The following NUP107 variants were observed in gnomAD, a reference collection of about 807,000 sequenced individuals.
NUP107 encodes the protein nucleoporin 107.
A neutral mutation model predicts 141.0 loss-of-function variants in NUP107; 101 were observed. The observed-to-expected ratio is 0.72, with a 90% CI of 0.61 to 0.84. The LOEUF is 0.84. Ranked by LOEUF, NUP107 falls within the 40% of genes least tolerant of loss-of-function variation. NUP107 has a pLI of 0.00. For synonymous variants in NUP107, 319 were observed against 363.9 expected (o/e 0.88, Z 1.41); for missense variants, 941 against 1,102.7 (o/e 0.85, Z 2.08).
chr12:68,696,943 C>T lies in NUP107; in HGVS notation c.552+21C>T, dbSNP rs373395943. The T allele has an allele frequency of 9.3e-5, 132 of 1,420,222 alleles. 3 individuals are homozygous for T. The South Asian group carries it at 1.2e-3, about 13-fold the overall frequency. The allele number at this position is 1,420,222 out of a possible 1,614,324, so 88.0% of individuals were successfully genotyped here. On this transcript the variant is annotated intron_variant, in intron 6 of 27. Coordinates refer to ENST00000229179, the MANE Select transcript of NUP107 (RefSeq NM_020401.4). ...GTCAGGTAAGCTAATTTCACTCCGT[C>T]GTTAGTCAAACTTCAGTATTTTTAG...
chr12:68,700,224 C>G (rs990582201), intron 6 of NUP107, among the ~76,000 whole-genome samples: 2 of 151,968 alleles, frequency 1.3e-5, no homozygotes, highest in African/African-American at 4.8e-5. Context: ...TTTAAGACCA[C>G]TATTTTGGAA....
intron 1 of NUP107, 111 bp downstream of exon 1, chr12:68,687,184 T>C: frequency 2.0e-6 from 3 of 1,465,758 alleles, no homozygotes; most frequent in Non-Finnish European, 2.8e-6. Context: ...TCCCGGGTGC[T>C]TCCCCTAAGG....
chr12:68,720,672 G>A (rs952294107), intron 14 of NUP107, among the ~76,000 whole-genome samples: 1 of 152,140 alleles, frequency 6.6e-6, no homozygotes, highest in African/African-American at 2.4e-5. Context: ...AAGTAAAATG[G>A]GGAATTAGTT....
chr12:68,706,766 C>T, intron 8 of NUP107: 1 of 760,298 alleles, frequency 1.3e-6, no homozygotes. Context: ...GAACTTCAAG[C>T]TGGCCTTGGA....
chr12:68,713,197 A>AC (rs149654678), intron 10 of NUP107, among the ~76,000 whole-genome samples: 3,399 of 151,798 alleles, frequency 0.022, 133 homozygotes, highest in African/African-American at 0.076. Context: ...ACACAGTGAG[A>AC]CCCCCATCTC....
rs778136937 is a variant in NUP107 at position 68,744,051 on chromosome 12, A to G, written c.*1589A>G. On this transcript the variant is annotated 3_prime_UTR_variant, in exon 28 of 28. Transcript: ENST00000229179. ...TTTTGTTACTTGCAACAAACTGTAT[A>G]TATAGAAACTTTGTACAACCCAGGG... 3.9e-5 allele frequency: 6 copies of G among 152,236 alleles called. No individual in the cohort carries two copies. Among genetic ancestry groups the G allele is most frequent in the African/African-American group, 1.4e-4 (6 of 41,464 alleles). 9.4% of individuals were successfully genotyped at this position (152,236 alleles called of 1,614,324 possible).
Position 68,743,645 on chromosome 12 carries a change from C to T in NUP107, c.*1183C>T, listed in dbSNP as rs1592528946. ...TAGGCTAGAGTGTAGGGCTTATAAACAGGAGACAACTAAAAGAATGTGATT... is the reference window on the plus strand; with the variant it reads ...TAGGCTAGAGTGTAGGGCTTATAAATAGGAGACAACTAAAAGAATGTGATT... On this transcript the variant is annotated 3_prime_UTR_variant, in exon 28 of 28. Transcript: ENST00000229179. The T allele has an allele frequency of 6.6e-6, 1 of 152,138 alleles. No homozygotes were observed. The highest frequency in any genetic ancestry group is 3.4e-3 in the Middle Eastern group (1 of 294). 9.4% of individuals were successfully genotyped at this position (152,138 alleles called of 1,614,324 possible).
intron 15 of NUP107, 49 bp from the exon 16 acceptor site, chr12:68,721,792 T>G (rs1458055968): frequency 6.4e-7 from 1 of 1,571,192 alleles, no homozygotes; most frequent in South Asian, 1.2e-5. Flanking sequence ...TTTTCCTTTC[T>G]TTTCTGTTGA....
At chr12:68,693,271 T>G (rs1875904089) in intron 5 of NUP107, among the ~76,000 whole-genome samples, 1 of 151,994 alleles carries the variant, frequency 6.6e-6, no homozygotes, top group African/African-American at 2.4e-5. Context: ...AGAGAGAGGT[T>G]TCACCATTTT....
In NUP107 at chr12:68,725,838, T is replaced by TGTG. The variant is rs1555178663; in HGVS notation, c.1576+42_1576+43insGTG. 4.2e-5 allele frequency: 17 copies of TGTG among 402,000 alleles called. No homozygotes were observed. In the African/African-American group the frequency reaches 6.9e-4, roughly 16 times the overall value. The allele number at this position is 402,000 out of a possible 1,614,324, so 24.9% of individuals were successfully genotyped here. Reference sequence around the variant, plus strand: ...TTTTACTTTGTGTTTTTTGTGTGTGTTTTTTTTTTTTTTTTTGAGACAAAG... The same window carrying TGTG: ...TTTTACTTTGTGTTTTTTGTGTGTGTGTGTTTTTTTTTTTTTTTTGAGACAAAG... On this transcript the variant is annotated intron_variant, in intron 18 of 27. Coordinates refer to ENST00000229179, the MANE Select transcript of NUP107 (RefSeq NM_020401.4).
At chr12:68,728,480 G>C (rs933995584) in intron 20 of NUP107, among the ~76,000 whole-genome samples, 5 of 140,192 alleles carry the variant, frequency 3.6e-5, no homozygotes, top group South Asian at 2.2e-4. Flanking sequence ...CTGGAGTGCA[G>C]TGGCACCATC....
rs1378807834 is a variant in NUP107, at chr12:68,742,733, C to T, written c.*271C>T. 1 of 174,852 alleles carries T rather than the reference C, an allele frequency of 5.7e-6. No homozygotes were observed. Among genetic ancestry groups the T allele is most frequent in the Non-Finnish European group, 1.2e-5 (1 of 83,812 alleles). 10.8% of individuals were successfully genotyped at this position (174,852 alleles called of 1,614,324 possible). A position where few individuals can be genotyped will look rare whatever the true frequency, so the allele number is the denominator to read the frequency against. Reference sequence around the variant, plus strand: ...TCATGTAATAAGAAAATTAAATTTTCTGTTCTAGTTTTTTCTGTAATCATA... The same window carrying T: ...TCATGTAATAAGAAAATTAAATTTTTTGTTCTAGTTTTTTCTGTAATCATA... On this transcript the variant is annotated 3_prime_UTR_variant, in exon 28 of 28. Coordinates refer to ENST00000229179, the MANE Select transcript of NUP107 (RefSeq NM_020401.4).
chr12:68,724,965 A>C (rs1592514982), intron 17 of NUP107, among the ~76,000 whole-genome samples: 1 of 152,230 alleles, frequency 6.6e-6, no homozygotes, highest in Non-Finnish European at 1.5e-5. Flanking sequence ...TGAGAACTTA[A>C]CAGATGTCAG....
chr12:68,699,400 C>T (rs1193108173), intron 6 of NUP107, among the ~76,000 whole-genome samples: 1 of 151,936 alleles, frequency 6.6e-6, no homozygotes, highest in African/African-American at 2.4e-5. Context: ...TAAAACTACA[C>T]TAAAGAAGTC....
intron 20 of NUP107, among the ~76,000 whole-genome samples, chr12:68,730,214 C>CTTGTTTTTT (rs1877759163): frequency 1.2e-5 from 1 of 85,374 alleles, no homozygotes; most frequent in Non-Finnish European, 2.2e-5. Context: ...GTGATACTAC[C>CTTGTTTTTT]TTTTTTTTTT....
intron 4 of NUP107, among the ~76,000 whole-genome samples, chr12:68,691,042 A>G (rs1055835310): frequency 1.3e-5 from 2 of 149,830 alleles, no homozygotes; most frequent in Admixed American, 6.7e-5. Flanking sequence ...ATTGCAAAAG[A>G]AAAAAAAAAG....
chr12:68,705,819 C>G (rs1592500897), intron 8 of NUP107: 1 of 767,570 alleles, frequency 1.3e-6, no homozygotes, highest in East Asian at 2.4e-5. Context: ...GTAGGGGAGG[C>G]ATCACCCCAG....
rs1358061104 is a variant in NUP107 at position 68,719,659 on chromosome 12, G to A, written c.1251+5G>A. 2 of 1,590,320 alleles carry A rather than the reference G, an allele frequency of 1.3e-6. No homozygotes were observed. Among genetic ancestry groups the A allele is most frequent in the Non-Finnish European group, 1.7e-6 (2 of 1,158,654 alleles). On this transcript the variant is annotated splice_donor_5th_base_variant and intron_variant, in intron 14 of 27. Transcript: ENST00000229179. ...TGCTGGAGAATGGCAGAAGATGTAA[G>A]ATAAATAAAATATTCAGTGATACTG... is the stretch of plus-strand genomic sequence containing the variant.
At chr12:68,716,397 A>C (rs1877115931) in intron 12 of NUP107, among the ~76,000 whole-genome samples, 1 of 151,204 alleles carries the variant, frequency 6.6e-6, no homozygotes, top group Non-Finnish European at 1.5e-5. Context: ...TGCCCAACTA[A>C]CATTTTTATT....
Sources: gnomAD v4.1 joint callset for allele counts (sites outside exome capture counted in the v4.1 genomes callset) on GRCh38, gnomAD v4.1.1 for gene constraint, MANE v1.5 for transcripts, NCBI Gene and HGNC (gene_info 2026-07-23, HGNC 2026-07-21) for gene names.